RASAL2: variants seen among roughly 807,000 people sequenced by gnomAD.
The protein encoded by RASAL2 is ras GTPase-activating protein nGAP.
RASAL2 carries 58 observed loss-of-function variants against 128.9 expected under a neutral mutation model. That is an observed-to-expected ratio of 0.45 (90% CI 0.36 to 0.56). The LOEUF is 0.56. Ranked by LOEUF, RASAL2 falls within the 20% of genes least tolerant of loss-of-function variation. RASAL2 has a pLI of 0.00. For missense variants in RASAL2, 1,360 were observed against 1,601.6 expected (o/e 0.85, Z 2.57); for synonymous variants, 561 against 580.8 (o/e 0.97, Z 0.49).
intron 3 of RASAL2, among the ~76,000 whole-genome samples, chr1:178,310,749 C>A (rs1489510834): frequency 6.6e-6 from 1 of 152,140 alleles, no homozygotes; most frequent in Non-Finnish European, 1.5e-5. Flanking sequence ...AGTGCTGCCA[C>A]TTATGGTTGC....
chr1:178,124,746 A>G (rs2102284041), intron 1 of RASAL2, among the ~76,000 whole-genome samples: 1 of 152,334 alleles, frequency 6.6e-6, no homozygotes, highest in Admixed American at 6.5e-5. Context: ...GGTATGAGAC[A>G]ATAGCCTCTC....
intron 3 of RASAL2, among the ~76,000 whole-genome samples, chr1:178,361,643 C>T (rs1167993571): frequency 6.6e-6 from 1 of 152,086 alleles, no homozygotes; most frequent in Non-Finnish European, 1.5e-5. Flanking sequence ...TAGTGCTCCC[C>T]AGCCTTTTTG....
At chr1:178,309,380 A>G (rs1296764078) in intron 3 of RASAL2, among the ~76,000 whole-genome samples, 1 of 152,204 alleles carries the variant, frequency 6.6e-6, no homozygotes, top group Admixed American at 6.5e-5. Flanking sequence ...AATAGATGGC[A>G]GTGATATGCA....
chr1:178,213,004 G>A (rs532343733), intron 1 of RASAL2, among the ~76,000 whole-genome samples: 1 of 152,150 alleles, frequency 6.6e-6, no homozygotes, highest in African/African-American at 2.4e-5. Flanking sequence ...TCCCAACTAG[G>A]TACAACCACT....
At chr1:178,427,166 C>G (rs1572054273) in intron 5 of RASAL2, among the ~76,000 whole-genome samples, 1 of 152,240 alleles carries the variant, frequency 6.6e-6, no homozygotes, top group African/African-American at 2.4e-5. Context: ...CACATTAAAG[C>G]CATGTCATAT....
In RASAL2 at chr1:178,411,608, C is replaced by T. The variant is rs541938463; in HGVS notation, c.565-8903C>T. The stretch of plus-strand genomic sequence containing the variant: ...ATGGAGAGACGACATGCAGAAATGG[C>T]ACACTTCAGGTGGCTGAAGGAGAGA... On this transcript the variant is annotated intron_variant, in intron 4 of 17. Coordinates refer to ENST00000367649, the MANE Select transcript of RASAL2 (RefSeq NM_170692.4). 17 of 742,630 alleles carry T rather than the reference C, an allele frequency of 2.3e-5. No homozygotes were observed. In the East Asian group the frequency reaches 3.2e-4, roughly 14 times the overall value. The allele number at this position is 742,630 out of a possible 1,614,324, so 46.0% of individuals were successfully genotyped here. A position where few individuals can be genotyped will look rare whatever the true frequency, so the allele number is the denominator to read the frequency against.
At chr1:178,198,622 T>G (rs1445220464) in intron 1 of RASAL2, among the ~76,000 whole-genome samples, 1 of 152,234 alleles carries the variant, frequency 6.6e-6, no homozygotes, top group Non-Finnish European at 1.5e-5. Context: ...GTATCACCAG[T>G]GGAGGCTACA....
At chr1:178,434,109 G>A (rs1000642536) in intron 5 of RASAL2, among the ~76,000 whole-genome samples, 3 of 151,882 alleles carry the variant, frequency 2.0e-5, no homozygotes, top group African/African-American at 7.2e-5. Context: ...GGTTTGGTTT[G>A]GTTTAGTTTC....
intron 1 of RASAL2, among the ~76,000 whole-genome samples, chr1:178,267,329 C>T (rs960068853): frequency 3.3e-5 from 5 of 152,184 alleles, no homozygotes; most frequent in East Asian, 1.9e-4. Context: ...CCTATTATGG[C>T]GGATGAGGAT....
intron 1 of RASAL2, among the ~76,000 whole-genome samples, chr1:178,202,700 G>A (rs1662912761): frequency 2.6e-5 from 4 of 152,238 alleles, no homozygotes; most frequent in Non-Finnish European, 5.9e-5. Context: ...GCCTCTCTGA[G>A]TGGTCAAAAA....
rs183966343 is a variant in RASAL2, at chr1:178,097,325, C to T, written c.202+2631C>T. Among the ~76,000 whole-genome samples, 364 of 152,302 alleles carry T rather than the reference C, an allele frequency of 2.4e-3. 1 individual carries two copies. The highest frequency in any genetic ancestry group is 8.5e-3 in the African/African-American group (353 of 41,570). On this transcript the variant is annotated intron_variant, in intron 1 of 17. Coordinates refer to ENST00000367649, the MANE Select transcript of RASAL2 (RefSeq NM_170692.4). ...CTTTTAGCTTTAAAGTTGTCTGATT[C>T]TGTGGCTTGGCCCATTATTTTACCT... is the stretch of plus-strand genomic sequence containing the variant.
At chr1:178,379,091 T>C (rs1236569942) in intron 3 of RASAL2, among the ~76,000 whole-genome samples, 2 of 151,974 alleles carry the variant, frequency 1.3e-5, no homozygotes, top group African/African-American at 4.8e-5. Flanking sequence ...AATTGAAAAA[T>C]AGACTATTAT....
rs1227580384 is a variant in RASAL2, at chr1:178,393,862, A to G, written c.564+3656A>G. On this transcript the variant is annotated intron_variant, in intron 4 of 17. Coordinates refer to ENST00000367649, the MANE Select transcript of RASAL2 (RefSeq NM_170692.4). Reference sequence around the variant, plus strand: ...ATAAAATATGCATGAATTATCAAAGACCAGAATCGAACGAGTTTATCTCAC... The same window carrying G: ...ATAAAATATGCATGAATTATCAAAGGCCAGAATCGAACGAGTTTATCTCAC... 3.9e-5 allele frequency among the ~76,000 whole-genome samples: 6 copies of G among 152,308 alleles called. No homozygotes were observed. In the South Asian group the frequency reaches 8.3e-4, roughly 21 times the overall value.
At chr1:178,417,317 A>G (rs1034208990) in intron 4 of RASAL2, among the ~76,000 whole-genome samples, 1 of 152,138 alleles carries the variant, frequency 6.6e-6, no homozygotes, top group African/African-American at 2.4e-5. Flanking sequence ...TTTAGTATCT[A>G]AAGTCTGTAT....
rs768018578 is a variant in RASAL2, at chr1:178,442,571, A to G, written c.928-104A>G. The G allele has an allele frequency of 5.7e-4, 504 of 889,554 alleles. 1 individual carries two copies. Among genetic ancestry groups the G allele is most frequent in the Non-Finnish European group, 7.5e-4 (446 of 593,402 alleles). 55.1% of individuals were successfully genotyped at this position (889,554 alleles called of 1,614,324 possible). On this transcript the variant is annotated intron_variant, in intron 7 of 17. Transcript: ENST00000367649. ...TAGCAATCCCTTTCATTATTTGTTG[A>G]CTCCCCTTAATAGAGTACCTAATGA...
At chr1:178,101,831 C>T (rs1325633732) in intron 1 of RASAL2, among the ~76,000 whole-genome samples, 1 of 152,098 alleles carries the variant, frequency 6.6e-6, no homozygotes, top group East Asian at 1.9e-4. Flanking sequence ...GAGATGGCCT[C>T]TCAAAGCTGA....
At chr1:178,195,147 A>G (rs1321934474) in intron 1 of RASAL2, among the ~76,000 whole-genome samples, 2 of 152,238 alleles carry the variant, frequency 1.3e-5, no homozygotes, top group East Asian at 3.8e-4. Flanking sequence ...GCTAAGAGGT[A>G]TTAAATGACT....
At chr1:178,167,928 G>T (rs1301950377) in intron 1 of RASAL2, among the ~76,000 whole-genome samples, 1 of 151,936 alleles carries the variant, frequency 6.6e-6, no homozygotes, top group East Asian at 1.9e-4. Flanking sequence ...CTTTTAAGGG[G>T]GAGTGCAAGG....
chr1:178,297,729 C>A (rs1042042392), intron 2 of RASAL2, among the ~76,000 whole-genome samples: 4 of 151,388 alleles, frequency 2.6e-5, no homozygotes, highest in African/African-American at 7.3e-5. Context: ...TTGAATACAA[C>A]CTTTTATCAT....
Sources: allele counts gnomAD v4.1 joint callset (sites outside exome capture counted in the v4.1 genomes callset), GRCh38; gene constraint gnomAD v4.1.1; transcripts MANE v1.5; gene names NCBI Gene and HGNC (gene_info 2026-07-23, HGNC 2026-07-21).